DDR2: variants seen among roughly 807,000 people sequenced by gnomAD.
DDR2 encodes discoidin domain-containing receptor 2.
DDR2 carries 27 observed loss-of-function variants against 94.9 expected under a neutral mutation model. The observed-to-expected ratio is 0.28, with a 90% CI of 0.21 to 0.39. The LOEUF (loss-of-function observed/expected upper bound fraction) is 0.39. DDR2 is among the 10% of genes least tolerant of loss of function. The pLI, the probability that DDR2 is intolerant of heterozygous loss-of-function variation, is 1.00. For missense variants in DDR2, 783 were observed against 1,076.0 expected (o/e 0.73, Z 3.81); for synonymous variants, 382 against 377.2 (o/e 1.01, Z -0.15).
chr1:162,657,154 A>G lies in DDR2; in HGVS notation c.-28+1780A>G, dbSNP rs74231119. Among the ~76,000 whole-genome samples the G allele has an allele frequency of 2.2e-4, 33 of 151,978 alleles. No individual in the cohort carries two copies. In the East Asian group the frequency reaches 5.6e-3, roughly 26 times the overall value. On this transcript the variant is annotated intron_variant, in intron 2 of 17. Coordinates refer to ENST00000367921, the MANE Select transcript of DDR2 (RefSeq NM_006182.4). ...CATGCCTGGGCACCAATCTTAAACA[A>G]TGATTTCCATAAATTACTATTAGAA...
At chr1:162,673,780 A>G (rs546386900) in intron 2 of DDR2, among the ~76,000 whole-genome samples, 2 of 152,086 alleles carry the variant, frequency 1.3e-5, no homozygotes, top group Admixed American at 6.5e-5. Context: ...GAGTTCCAGC[A>G]TTTCCCCCCA....
Position 162,780,608 on chromosome 1 carries a change from G to C in DDR2, c.*362G>C. On this transcript the variant is annotated 3_prime_UTR_variant, in exon 18 of 18. Coordinates refer to ENST00000367921, the MANE Select transcript of DDR2 (RefSeq NM_006182.4). ...TGCAGATTCTACAATATTTTTCCAT[G>C]TCATTCTAAAAGAATCTTCAGAAAG... The C allele has an allele frequency of 5.0e-6, 1 of 199,870 alleles. No homozygotes were observed. Among genetic ancestry groups the C allele is most frequent in the Non-Finnish European group, 1.0e-5 (1 of 96,868 alleles). 12.4% of individuals were successfully genotyped at this position (199,870 alleles called of 1,614,324 possible).
chr1:162,675,215 T>TC (rs1659071301), intron 2 of DDR2, among the ~76,000 whole-genome samples: 1 of 152,042 alleles, frequency 6.6e-6, no homozygotes, highest in Admixed American at 6.6e-5. Context: ...CCTAAGAGAT[T>TC]CCCATGGTCC....
At chr1:162,749,140 A>C (rs1397317656) in intron 3 of DDR2, among the ~76,000 whole-genome samples, 4 of 152,110 alleles carry the variant, frequency 2.6e-5, no homozygotes, top group Non-Finnish European at 4.4e-5. Context: ...GCAGAAGGCA[A>C]GAAATAACTA....
At chr1:162,654,388 G>GT (rs1209298087) in intron 1 of DDR2, among the ~76,000 whole-genome samples, 2 of 152,106 alleles carry the variant, frequency 1.3e-5, no homozygotes, top group Non-Finnish European at 2.9e-5. Flanking sequence ...CAAGGCTGTA[G>GT]TGAGCTATGA....
chr1:162,680,467 C>T (rs1659347780), intron 2 of DDR2, among the ~76,000 whole-genome samples: 1 of 152,140 alleles, frequency 6.6e-6, no homozygotes, highest in East Asian at 1.9e-4. Context: ...TATTTCTGGG[C>T]TCTCTATTCA....
At chr1:162,729,033 CTG>C (rs1661863136) in intron 3 of DDR2, among the ~76,000 whole-genome samples, 1 of 151,726 alleles carries the variant, frequency 6.6e-6, no homozygotes, top group African/African-American at 2.4e-5. Flanking sequence ...ATATCAAAGA[CTG>C]TGATTTGTTA....
At chr1:162,765,890 T>A in intron 9 of DDR2, 111 bp from the exon 10 acceptor site, 1 of 932,630 alleles carries the variant, frequency 1.1e-6, no homozygotes, top group Admixed American at 1.7e-5. Flanking sequence ...AAAAGACTGA[T>A]GACAACTCAC....
In DDR2 at chr1:162,755,163, A is replaced by G; in HGVS notation, c.425A>G (p.Asp142Gly). Residue 142 changes from aspartate to glycine, a missense_variant, in exon 6 of 18, where the codon GAT (aspartate) becomes GGT (glycine). By Grantham distance (94) the Asp-to-Gly change is moderately conservative (BLOSUM62 -1). This residue lies in a region of DDR2 where 519 missense variants were observed against 647.9 expected (regional missense o/e 0.80). Coordinates refer to ENST00000367921, the MANE Select transcript of DDR2 (RefSeq NM_006182.4). ...TCTCTTCTCTCTCCTCAGGTGCTGG[A>G]TGGAAATAGTAACCCCTATGACATT... The part of the protein sequence containing the change: ...WRNRHGKQVL[D>G]GNSNPYDIFL... 6.2e-7 allele frequency: 1 copy of G among 1,614,064 alleles called. No individual in the cohort carries two copies. Among genetic ancestry groups the G allele is most frequent in the Non-Finnish European group, 8.5e-7 (1 of 1,179,988 alleles).
At chr1:162,778,558 A>G in intron 16 of DDR2, 22 bp from the exon 17 acceptor site, 1 of 1,613,878 alleles carries the variant, frequency 6.2e-7, no homozygotes, top group Non-Finnish European at 8.5e-7. Context: ...CTGATTTCCC[A>G]TTCTTTTCTT....
chr1:162,733,314 A>G (rs1343120982), intron 3 of DDR2, among the ~76,000 whole-genome samples: 3 of 152,220 alleles, frequency 2.0e-5, no homozygotes, highest in Non-Finnish European at 4.4e-5. Context: ...TCCCTTCCAC[A>G]GAAGGAGTTT....
chr1:162,767,882 C>T (rs1050189047), intron 11 of DDR2, among the ~76,000 whole-genome samples: 3 of 151,598 alleles, frequency 2.0e-5, no homozygotes, highest in Non-Finnish European at 4.4e-5. Flanking sequence ...TCTCACTATT[C>T]TATTTCTACT....
chr1:162,724,598 C>T (rs1401550188), intron 3 of DDR2, among the ~76,000 whole-genome samples: 1 of 152,126 alleles, frequency 6.6e-6, no homozygotes, highest in African/African-American at 2.4e-5. Flanking sequence ...CACATATTTC[C>T]AAATTGGAAA....
chr1:162,766,022 C>T lies in DDR2; in HGVS notation c.1121C>T (p.Ser374Phe). ...FQSDAAMYNN[S>F]EALPTSPMAP... ...ACAGATGCTGCAATGTACAACAACTCTGAAGCCCTGCCCACCTCTCCTATG... is the reference window on the plus strand; with the variant it reads ...ACAGATGCTGCAATGTACAACAACTTTGAAGCCCTGCCCACCTCTCCTATG... The change falls in exon 10 of 18, where the codon TCT (serine) becomes TTT (phenylalanine). Residue 374 changes from serine to phenylalanine, a missense_variant. Ser to Phe is a radical substitution (Grantham distance 155, BLOSUM62 -2). This residue lies in a region of DDR2 where 519 missense variants were observed against 647.9 expected (regional missense o/e 0.80). Transcript: ENST00000367921. The T allele has an allele frequency of 6.2e-7, 1 of 1,613,914 alleles. No homozygotes were observed. Among genetic ancestry groups the T allele is most frequent in the Non-Finnish European group, 8.5e-7 (1 of 1,180,004 alleles).
chr1:162,755,582 C>T, intron 6 of DDR2, 82 bp from the exon 7 acceptor site: 1 of 1,350,602 alleles, frequency 7.4e-7, no homozygotes, highest in South Asian at 1.2e-5. Context: ...GCTGTGCAAG[C>T]TTATACCCTT....
At chr1:162,727,972 TATATAGATATAATCACA>T (rs1558049737) in intron 3 of DDR2, among the ~76,000 whole-genome samples, 236 of 141,988 alleles carry the variant, frequency 1.7e-3, no homozygotes, top group East Asian at 5.8e-3. Flanking sequence ...TATATATATA[TATATAGATATAATCACA>T]CTATATATAT....
intron 3 of DDR2, among the ~76,000 whole-genome samples, chr1:162,728,130 A>G (rs1661806814): frequency 2.1e-5 from 3 of 143,774 alleles, no homozygotes; most frequent in South Asian, 2.2e-4. Flanking sequence ...TAATCACACT[A>G]TATATATCTA....
intron 2 of DDR2, among the ~76,000 whole-genome samples, chr1:162,707,299 C>T (rs1660705310): frequency 6.6e-6 from 1 of 152,216 alleles, no homozygotes; most frequent in Non-Finnish European, 1.5e-5. Flanking sequence ...TTCTAAGTCC[C>T]TATGAGGTCT....
chr1:162,634,445 AT>A (rs1472365873), intron 1 of DDR2, among the ~76,000 whole-genome samples: 1 of 152,248 alleles, frequency 6.6e-6, no homozygotes, highest in African/African-American at 2.4e-5. Flanking sequence ...GGGCTTACCC[AT>A]ATCAGCTCTT....
Sources: allele counts gnomAD v4.1 joint callset (sites outside exome capture counted in the v4.1 genomes callset), GRCh38; gene constraint gnomAD v4.1.1; regional missense constraint gnomAD v4.1.1; transcripts MANE v1.5; gene names NCBI Gene and HGNC (gene_info 2026-07-23, HGNC 2026-07-21).